The following RORA variants were observed in gnomAD, a reference collection of about 807,000 sequenced individuals.
RORA encodes the protein nuclear receptor ROR-alpha.
Under a neutral mutation model 69.5 loss-of-function variants are expected in RORA, and 7 were observed. That is an observed-to-expected ratio of 0.10 (90% CI 0.06 to 0.19). The LOEUF is 0.19. RORA is among the 10% of genes least tolerant of loss of function. The probability of loss-of-function intolerance (pLI) is 1.00; values close to 1 mark genes in which losing one functional copy is unlikely to be tolerated. For synonymous variants in RORA, 261 were observed against 240.8 expected, an observed-to-expected ratio of 1.08 and a Z score of -0.78; for missense variants, 457 against 663.0, an observed-to-expected ratio of 0.69 and a Z score of 3.41.
At chr15:60,727,677 T>A (rs1212576813) in intron 1 of RORA, among the ~76,000 whole-genome samples, 1 of 151,014 alleles carries the variant, frequency 6.6e-6, no homozygotes, top group Non-Finnish European at 1.5e-5. Context: ...TTTGGGACTT[T>A]AAAAAAAAAT....
chr15:60,652,892 G>A (rs150799561), intron 2 of RORA, among the ~76,000 whole-genome samples: 175 of 152,294 alleles, frequency 1.1e-3, no homozygotes, highest in African/African-American at 4.0e-3. Context: ...TTGTTTCTCT[G>A]TTTGACTAGC....
intron 1 of RORA, among the ~76,000 whole-genome samples, chr15:61,108,368 A>G (rs1019804555): frequency 2.6e-5 from 4 of 152,232 alleles, no homozygotes; most frequent in African/African-American, 9.6e-5. Context: ...TCCCCTGCAC[A>G]ATGTTACTGC....
intron 1 of RORA, among the ~76,000 whole-genome samples, chr15:61,049,072 T>C (rs1208099723): frequency 6.6e-6 from 1 of 152,174 alleles, no homozygotes; most frequent in African/African-American, 2.4e-5. Context: ...CAACACCACA[T>C]CTGCTGAAGT....
intron 1 of RORA, among the ~76,000 whole-genome samples, chr15:61,218,237 T>C (rs924850856): frequency 2.6e-5 from 4 of 151,830 alleles, no homozygotes; most frequent in African/African-American, 9.7e-5. Context: ...TAATATGTTT[T>C]TCTCATTGTG....
chr15:60,957,407 T>C (rs1893300549), intron 1 of RORA, among the ~76,000 whole-genome samples: 1 of 152,220 alleles, frequency 6.6e-6, no homozygotes, highest in South Asian at 2.1e-4. Flanking sequence ...AACTAGTAAC[T>C]GCAAGGGCTA....
At chr15:60,586,727 T>C (rs2068346389) in intron 2 of RORA, among the ~76,000 whole-genome samples, 1 of 152,170 alleles carries the variant, frequency 6.6e-6, no homozygotes, top group Admixed American at 6.5e-5. Context: ...GGCAGAAATA[T>C]TGTGGGCAGG....
chr15:61,054,896 G>A (rs761019898), intron 1 of RORA, among the ~76,000 whole-genome samples: 10 of 151,594 alleles, frequency 6.6e-5, no homozygotes, highest in Non-Finnish European at 1.3e-4. Context: ...GAGTGCAGGG[G>A]TGAGATCACG....
At chr15:60,859,379 C>T (rs1350431175) in intron 1 of RORA, among the ~76,000 whole-genome samples, 1 of 150,288 alleles carries the variant, frequency 6.7e-6, no homozygotes, top group African/African-American at 2.5e-5. Context: ...ATCAGCCTCA[C>T]CTGGGACCTT....
rs547419461 is a variant in RORA, at chr15:60,687,935, G to A, written c.167-9249C>T. Among the ~76,000 whole-genome samples the A allele has an allele frequency of 3.5e-4, 53 of 152,260 alleles. 2 individuals carry two copies. In the South Asian group the frequency reaches 1.0e-2, roughly 29 times the overall value. ...TAATTTGGGGCAAGATACTCTCTCCGATCCTCAGTTTCCTCATCACTAAAA... is the reference window on the plus strand; with the variant it reads ...TAATTTGGGGCAAGATACTCTCTCCAATCCTCAGTTTCCTCATCACTAAAA... On this transcript the variant is annotated intron_variant, in intron 1 of 10. Coordinates refer to ENST00000335670, the MANE Select transcript of RORA (RefSeq NM_134261.3).
chr15:61,152,194 G>A (rs1265033059), intron 1 of RORA, among the ~76,000 whole-genome samples: 2 of 152,106 alleles, frequency 1.3e-5, no homozygotes, highest in East Asian at 1.9e-4. Context: ...TTAAATGAAC[G>A]TTTTTCTGAA....
At chr15:61,088,565 C>T (rs2078658612) in intron 1 of RORA, among the ~76,000 whole-genome samples, 1 of 152,116 alleles carries the variant, frequency 6.6e-6, no homozygotes, top group Middle Eastern at 3.2e-3. Flanking sequence ...AATTCTGGCT[C>T]TATCACCTAC....
intron 1 of RORA, among the ~76,000 whole-genome samples, chr15:61,106,860 T>C (rs948669165): frequency 6.6e-6 from 1 of 152,194 alleles, no homozygotes; most frequent in Non-Finnish European, 1.5e-5. Context: ...CTACGAGCAG[T>C]TCAAAGTAGA....
intron 2 of RORA, among the ~76,000 whole-genome samples, chr15:60,615,549 G>C (rs1273510983): frequency 1.3e-5 from 2 of 152,172 alleles, no homozygotes; most frequent in Non-Finnish European, 1.5e-5. Context: ...AATGGGATTT[G>C]CGTTTACCCA....
intron 3 of RORA, among the ~76,000 whole-genome samples, chr15:60,518,809 G>A (rs1310276043): frequency 1.3e-5 from 2 of 152,002 alleles, no homozygotes; most frequent in Non-Finnish European, 2.9e-5. Context: ...TGACCCTGGC[G>A]CTTCCCCATG....
intron 1 of RORA, among the ~76,000 whole-genome samples, chr15:61,173,629 A>G (rs2079603683): frequency 6.6e-6 from 1 of 152,128 alleles, no homozygotes; most frequent in Admixed American, 6.5e-5. Flanking sequence ...AGTCAAATAA[A>G]ATCAAAATAC....
At chr15:60,842,137 C>A (rs1405016553) in intron 1 of RORA, among the ~76,000 whole-genome samples, 1 of 152,084 alleles carries the variant, frequency 6.6e-6, no homozygotes, top group African/African-American at 2.4e-5. Flanking sequence ...TTTGTGTTTT[C>A]CACCCCCTTC....
chr15:61,016,610 G>C (rs1387002623), intron 1 of RORA, among the ~76,000 whole-genome samples: 5 of 152,152 alleles, frequency 3.3e-5, no homozygotes, highest in African/African-American at 1.2e-4. Context: ...TGGGTCCCAT[G>C]ACCACAGACG....
chr15:60,718,342 T>C lies in RORA; in HGVS notation c.167-39656A>G, dbSNP rs1055397143. Among the ~76,000 whole-genome samples the C allele has an allele frequency of 9.2e-5, 14 of 152,132 alleles. 1 individual carries two copies. The highest frequency in any genetic ancestry group is 3.4e-4 in the African/African-American group (14 of 41,424). On this transcript the variant is annotated intron_variant, in intron 1 of 10. Coordinates refer to ENST00000335670, the MANE Select transcript of RORA (RefSeq NM_134261.3). ...ACCACACCTGCCAACATTCTAAAGG[T>C]GGTTTTCTTGTTGGGGAATTCAAAG...
At chr15:61,010,184 C>A (rs1438509425) in intron 1 of RORA, among the ~76,000 whole-genome samples, 1 of 152,204 alleles carries the variant, frequency 6.6e-6, no homozygotes, top group Admixed American at 6.5e-5. Context: ...AAATGTAAAT[C>A]TGCCTTATGA....
Sources: allele counts gnomAD v4.1 joint callset (sites outside exome capture counted in the v4.1 genomes callset), GRCh38; gene constraint gnomAD v4.1.1; transcripts MANE v1.5; gene names NCBI Gene and HGNC (gene_info 2026-07-23, HGNC 2026-07-21).